The following NAV3 variants were observed in gnomAD, a reference collection of about 807,000 sequenced individuals.
NAV3 encodes the protein neuron navigator 3, also known as pore membrane and/or filament interacting like protein 1.
Under a neutral mutation model 244.7 loss-of-function variants are expected in NAV3, and 87 were observed. The ratio of observed to expected loss-of-function variants is 0.36; its 90% CI spans 0.30 to 0.42. The LOEUF is 0.42. NAV3 is among the 20% of genes least tolerant of loss of function. NAV3 has a pLI of 1.00. For missense variants in NAV3, 2,663 were observed against 2,893.3 expected, an observed-to-expected ratio of 0.92 and a Z score of 1.83; for synonymous variants, 1,126 against 1,042.2, an observed-to-expected ratio of 1.08 and a Z score of -1.55.
intron 9 of NAV3, among the ~76,000 whole-genome samples, chr12:78,027,729 A>G (rs1279934018): frequency 6.6e-6 from 1 of 152,166 alleles, no homozygotes; most frequent in East Asian, 1.9e-4. Flanking sequence ...GGGTAATACA[A>G]TGGCATGTGT....
chr12:78,016,592 G>A (rs773411477), intron 8 of NAV3, among the ~76,000 whole-genome samples: 8 of 152,154 alleles, frequency 5.3e-5, no homozygotes, highest in Non-Finnish European at 1.0e-4. Flanking sequence ...AAATAGGAAA[G>A]CAAGCACATT....
intron 2 of NAV3, among the ~76,000 whole-genome samples, chr12:77,729,485 G>C (rs1877028407): frequency 1.3e-5 from 2 of 151,924 alleles, no homozygotes; most frequent in Non-Finnish European, 2.9e-5. Flanking sequence ...ACAAGAAAAA[G>C]GCATGGGAAA....
rs530949931 is a variant in NAV3 at position 77,816,696 on chromosome 12, T to C, written c.73-123623T>C. Among the ~76,000 whole-genome samples, 18 of 152,278 alleles carry C rather than the reference T, an allele frequency of 1.2e-4. No homozygotes were observed. The South Asian group carries it at 3.7e-3, about 32-fold the overall frequency. On this transcript the variant is annotated intron_variant, in intron 2 of 8. Coordinates refer to the NAV3 transcript ENST00000550042. Reference sequence around the variant, plus strand: ...CAATGTGTTGTGCCATTTACCTCCATGTTTACTCTTTTTTATCATCTGTCA... The same window carrying C: ...CAATGTGTTGTGCCATTTACCTCCACGTTTACTCTTTTTTATCATCTGTCA...
intron 1 of NAV3, among the ~76,000 whole-genome samples, chr12:77,853,093 T>G (rs1309176821): frequency 6.6e-6 from 1 of 152,240 alleles, no homozygotes; most frequent in Admixed American, 6.5e-5. Flanking sequence ...GATTGCTTTC[T>G]TACTAACCTG....
intron 24 of NAV3, among the ~76,000 whole-genome samples, chr12:78,172,102 G>A (rs933743264): frequency 2.6e-5 from 4 of 151,558 alleles, no homozygotes; most frequent in African/African-American, 9.7e-5. Flanking sequence ...TAATGTTTGT[G>A]ATAAGAAATT....
intron 12 of NAV3, among the ~76,000 whole-genome samples, chr12:78,076,945 T>C (rs1024941401): frequency 2.6e-5 from 4 of 152,202 alleles, no homozygotes; most frequent in African/African-American, 9.6e-5. Flanking sequence ...GATGGTAATT[T>C]ACTTTAGAAA....
chr12:77,959,650 T>C (rs1242283), intron 3 of NAV3, among the ~76,000 whole-genome samples: 2 of 151,880 alleles, frequency 1.3e-5, no homozygotes, highest in Non-Finnish European at 1.5e-5. Flanking sequence ...AAATGATTAT[T>C]ATGGGCCCCA....
At chr12:77,724,028 C>A (rs1876765701) in intron 2 of NAV3, among the ~76,000 whole-genome samples, 1 of 151,728 alleles carries the variant, frequency 6.6e-6, no homozygotes. Context: ...TACTTTTCTA[C>A]ATCCATTAAA....
intron 9 of NAV3, among the ~76,000 whole-genome samples, chr12:78,041,390 A>G (rs79256928): frequency 7.0e-4 from 106 of 152,346 alleles, no homozygotes; most frequent in African/African-American, 2.4e-3. Context: ...AGTGAGGAAT[A>G]ATGAACAAAG....
chr12:77,940,406 G>A lies in NAV3; in HGVS notation c.331G>A (p.Val111Ile), dbSNP rs2137471318. 1.9e-6 allele frequency: 3 copies of A among 1,613,632 alleles called. No individual in the cohort carries two copies. Among genetic ancestry groups the A allele is most frequent in the Non-Finnish European group, 2.5e-6 (3 of 1,179,650 alleles). The change falls in exon 2 of 40, where the codon GTA becomes ATA. Residue 111 changes from valine to isoleucine, a missense_variant. Val to Ile is a conservative substitution (Grantham distance 29). Around this residue, in one of 6 missense-constraint regions of NAV3, gnomAD observed 1,521 missense variants for 1,497.0 expected, o/e 1.02. Coordinates refer to ENST00000397909, the MANE Select transcript of NAV3 (RefSeq NM_001024383.2). ...KDLQQDIADG[V>I]LLAEIIQIIA... Reference sequence around the variant, plus strand: ...CTTGCAACAAGACATTGCAGATGGAGTACTCCTAGCAGAAATCATCCAGAT... The same window carrying A: ...CTTGCAACAAGACATTGCAGATGGAATACTCCTAGCAGAAATCATCCAGAT...
Position 77,688,280 on chromosome 12 carries a change from G to T in NAV3, c.72+116014G>T, listed in dbSNP as rs920987039. Among the ~76,000 whole-genome samples, 10 of 151,974 alleles carry T rather than the reference G, an allele frequency of 6.6e-5. No homozygotes were observed. The East Asian group carries it at 1.9e-3, about 29-fold the overall frequency. ...GGCTCAAATGGTGTTTGATAAAGGGGACACAGACACTTCAAAAAGACTACC... is the reference window on the plus strand; with the variant it reads ...GGCTCAAATGGTGTTTGATAAAGGGTACACAGACACTTCAAAAAGACTACC... On this transcript the variant is annotated intron_variant, in intron 2 of 8. Coordinates refer to the NAV3 transcript ENST00000550042.
chr12:77,659,522 C>G (rs1220716077), intron 2 of NAV3, among the ~76,000 whole-genome samples: 2 of 152,182 alleles, frequency 1.3e-5, no homozygotes, highest in Non-Finnish European at 2.9e-5. Context: ...GGACTGTAAA[C>G]TAGTTCAACC....
chr12:77,889,143 C>G (rs1253289740), intron 1 of NAV3, among the ~76,000 whole-genome samples: 1 of 152,188 alleles, frequency 6.6e-6, no homozygotes, highest in African/African-American at 2.4e-5. Flanking sequence ...ATGAAGGCGT[C>G]TGGATGAGAT....
intron 2 of NAV3, among the ~76,000 whole-genome samples, chr12:77,725,457 T>C (rs1388518061): frequency 6.7e-6 from 1 of 149,954 alleles, no homozygotes; most frequent in Non-Finnish European, 1.5e-5. Flanking sequence ...TCATTTAACA[T>C]GCCTTTGCAA....
chr12:77,624,102 A>G (rs185563455), intron 2 of NAV3, among the ~76,000 whole-genome samples: 215 of 152,314 alleles, frequency 1.4e-3, no homozygotes, highest in Middle Eastern at 3.4e-3. Context: ...GAAAAGCAGG[A>G]TGAGTGGGTT....
chr12:77,720,166 TC>T (rs1876547089), intron 2 of NAV3, among the ~76,000 whole-genome samples: 1 of 151,842 alleles, frequency 6.6e-6, no homozygotes, highest in South Asian at 2.1e-4. Flanking sequence ...TCTCTCTCTC[TC>T]TCTCTCTCTC....
chr12:77,994,938 T>C (rs775679962), intron 6 of NAV3, 67 bp downstream of exon 6: 1 of 1,224,484 alleles, frequency 8.2e-7, no homozygotes, highest in Non-Finnish European at 1.2e-6. Context: ...TGATATTTTG[T>C]CCTATCTTTT....
chr12:77,589,287 C>A (rs978464580), intron 2 of NAV3, among the ~76,000 whole-genome samples: 3 of 152,044 alleles, frequency 2.0e-5, no homozygotes, highest in Non-Finnish European at 4.4e-5. Context: ...TTCTTCTGAG[C>A]CCTCCAAACT....
At chr12:77,955,311 C>A (rs538105950) in intron 3 of NAV3, among the ~76,000 whole-genome samples, 2 of 152,130 alleles carry the variant, frequency 1.3e-5, no homozygotes, top group African/African-American at 4.8e-5. Context: ...GCGTTCACCT[C>A]GTACCACATC....
Sources: allele counts gnomAD v4.1 joint callset (sites outside exome capture counted in the v4.1 genomes callset), GRCh38; gene constraint gnomAD v4.1.1; regional missense constraint gnomAD v4.1.1; transcripts MANE v1.5; gene names NCBI Gene and HGNC (gene_info 2026-07-23, HGNC 2026-07-21).